OMA1: variants seen among roughly 807,000 people sequenced by gnomAD.
OMA1 encodes the protein metalloendopeptidase OMA1, mitochondrial.
A neutral mutation model predicts 30.9 loss-of-function variants in OMA1; 38 were observed. The ratio of observed to expected loss-of-function variants is 1.23; its 90% CI spans 0.95 to 1.61. The LOEUF is 1.61. Ranked by LOEUF, OMA1 falls within the 40% of genes most tolerant of loss-of-function variation. The pLI, the probability that OMA1 is intolerant of heterozygous loss-of-function variation, is 0.00. For synonymous variants in OMA1, 173 were observed against 121.9 expected (o/e 1.42, Z -2.76); for missense variants, 461 against 349.2 (o/e 1.32, Z -2.55).
intron 7 of OMA1, among the ~76,000 whole-genome samples, chr1:58,524,189 A>G (rs4912343): frequency 0.12 from 17,706 of 152,186 alleles, 1,229 homozygotes; most frequent in African/African-American, 0.18. Context: ...AATGTCCTTT[A>G]TGGCATTATC....
chr1:58,545,600 A>G (rs924683521), intron 1 of OMA1, among the ~76,000 whole-genome samples: 1 of 152,188 alleles, frequency 6.6e-6, no homozygotes, highest in East Asian at 1.9e-4. Flanking sequence ...AACAAAATTA[A>G]TGATGTGAGA....
chr1:58,536,859 C>T (rs778954163), intron 2 of OMA1, 118 bp from the exon 3 acceptor site: 21 of 641,206 alleles, frequency 3.3e-5, no homozygotes, highest in Non-Finnish European at 5.6e-5. Flanking sequence ...TGATGTATTT[C>T]GCTGAATACA....
chr1:58,501,388 T>A (rs943722526), intron 8 of OMA1, among the ~76,000 whole-genome samples: 1 of 152,178 alleles, frequency 6.6e-6, no homozygotes, highest in Non-Finnish European at 1.5e-5. Context: ...GTAGATCACA[T>A]CATTTTCAAA....
At chr1:58,534,433 T>C in intron 3 of OMA1, 102 bp from the exon 4 acceptor site, 2 of 591,968 alleles carry the variant, frequency 3.4e-6, no homozygotes, top group Non-Finnish European at 5.8e-6. Context: ...ACATTTTAAG[T>C]TTTAATTATA....
intron 2 of OMA1, among the ~76,000 whole-genome samples, chr1:58,537,429 T>C (rs114348485): frequency 1.4e-3 from 217 of 152,268 alleles, no homozygotes; most frequent in African/African-American, 5.0e-3. Context: ...AACTCCACTA[T>C]CCTCTTTACA....
At chr1:58,542,165 CCCTT>C (rs1204978089) in intron 1 of OMA1, among the ~76,000 whole-genome samples, 1 of 152,136 alleles carries the variant, frequency 6.6e-6, no homozygotes, top group Non-Finnish European at 1.5e-5. Flanking sequence ...TTTGAGTTAA[CCCTT>C]TTTGAAATAC....
rs1645471621 is a variant in OMA1 at position 58,480,995 on chromosome 1, T to C, written c.1545A>G (p.Thr515=). 5.7e-6 allele frequency: 5 copies of C among 870,978 alleles called. No homozygotes were observed. The highest frequency in any genetic ancestry group is 1.0e-5 in the Non-Finnish European group (5 of 500,912). The allele number at this position is 870,978 out of a possible 1,614,324, so 54.0% of individuals were successfully genotyped here. A position where few individuals can be genotyped will look rare whatever the true frequency, so the allele number is the denominator to read the frequency against. The change falls in exon 9 of 9, where the codon ACA becomes ACG. Residue 515 remains threonine, a synonymous_variant. Transcript: ENST00000371226. The part of the protein sequence containing the change: ...PIQKQEQIPL[T]YIVEKRTGS The stretch of plus-strand genomic sequence containing the variant: ...TGCCCGTTCTTTTCTCAACTATGTA[T>C]GTTAATGGTATTTGCTCCTGTTTTT...
In OMA1 at chr1:58,506,067, A is replaced by G. The variant is rs762956357; in HGVS notation, c.1358T>C (p.Ile453Thr). 3 of 870,484 alleles carry G rather than the reference A, an allele frequency of 3.4e-6. No individual in the cohort carries two copies. Among genetic ancestry groups the G allele is most frequent in the South Asian group, 2.6e-5 (2 of 76,278 alleles). 53.9% of individuals were successfully genotyped at this position (870,484 alleles called of 1,614,324 possible). Reference sequence around the variant, plus strand: ...TCTACGGTGTCAGCTCACCTGAGGTATAAGTCTATCCAAGTACTCAACTCG... The same window carrying G: ...TCTACGGTGTCAGCTCACCTGAGGTGTAAGTCTATCCAAGTACTCAACTCG... ...GNRVEYLDRLIPQALKIREMC... is the reference protein window; with the variant it reads ...GNRVEYLDRLTPQALKIREMC... Residue 453 changes from isoleucine to threonine, a missense_variant, in exon 8 of 9, where the codon ATA (isoleucine) becomes ACA (threonine). Ile to Thr is a moderately conservative substitution (Grantham distance 89). Transcript: ENST00000371226.
chr1:58,534,598 C>T (rs752307788), intron 3 of OMA1, among the ~76,000 whole-genome samples: 1 of 152,218 alleles, frequency 6.6e-6, no homozygotes. Context: ...AAACTACAAA[C>T]GAATACTTAA....
intron 8 of OMA1, among the ~76,000 whole-genome samples, chr1:58,487,619 T>C (rs1250917965): frequency 2.6e-5 from 4 of 152,216 alleles, no homozygotes; most frequent in Non-Finnish European, 4.4e-5. Flanking sequence ...TCTTTGCTAA[T>C]TTATTATGAC....
At chr1:58,512,779 A>C (rs1646100538) in intron 7 of OMA1, among the ~76,000 whole-genome samples, 1 of 152,156 alleles carries the variant, frequency 6.6e-6, no homozygotes, top group Non-Finnish European at 1.5e-5. Context: ...TATTCAATGG[A>C]TATAAAGTCT....
chr1:58,543,135 T>C (rs1381691881), intron 1 of OMA1, among the ~76,000 whole-genome samples: 2 of 152,192 alleles, frequency 1.3e-5, no homozygotes, highest in Non-Finnish European at 2.9e-5. Flanking sequence ...CTACACTTAA[T>C]TGAGCTTCAT....
chr1:58,537,730 T>C (rs1356216434), intron 2 of OMA1, among the ~76,000 whole-genome samples: 1 of 152,228 alleles, frequency 6.6e-6, no homozygotes, highest in African/African-American at 2.4e-5. Flanking sequence ...CACACCCCAA[T>C]GCCTTTACAC....
intron 8 of OMA1, among the ~76,000 whole-genome samples, chr1:58,489,943 C>T (rs1340750086): frequency 2.6e-5 from 4 of 152,162 alleles, no homozygotes; most frequent in Admixed American, 6.5e-5. Flanking sequence ...CCCATCTGTA[C>T]GTCACCATCA....
chr1:58,502,370 T>G (rs1645920617), intron 8 of OMA1, among the ~76,000 whole-genome samples: 1 of 152,192 alleles, frequency 6.6e-6, no homozygotes, highest in Non-Finnish European at 1.5e-5. Flanking sequence ...ACTTTGATCT[T>G]TTTCTCTAAT....
chr1:58,499,477 T>TATAGATAG (rs60917151), intron 8 of OMA1, among the ~76,000 whole-genome samples: 4,411 of 143,698 alleles, frequency 0.031, 73 homozygotes, highest in Middle Eastern at 0.045. Context: ...AAAGCCAGAC[T>TATAGATAG]ATAGATAGAT....
intron 8 of OMA1, among the ~76,000 whole-genome samples, chr1:58,481,937 C>T (rs1362646269): frequency 6.6e-6 from 1 of 152,170 alleles, no homozygotes. Flanking sequence ...TCATAAATTA[C>T]CTAGTCTCAG....
intron 1 of OMA1, among the ~76,000 whole-genome samples, chr1:58,545,879 G>A (rs1247092051): frequency 1.3e-5 from 2 of 152,132 alleles, no homozygotes; most frequent in Non-Finnish European, 2.9e-5. Context: ...AGAATTGGAC[G>A]GCAGCAGACT....
At chr1:58,490,825 TG>T (rs1645671443) in intron 8 of OMA1, among the ~76,000 whole-genome samples, 2 of 118,906 alleles carry the variant, frequency 1.7e-5, no homozygotes, top group African/African-American at 7.3e-5. Flanking sequence ...TTTTTTTTTT[TG>T]AGACGGACTC....
Sources: allele counts gnomAD v4.1 joint callset (sites outside exome capture counted in the v4.1 genomes callset), GRCh38; gene constraint gnomAD v4.1.1; transcripts MANE v1.5; gene names NCBI Gene and HGNC (gene_info 2026-07-23, HGNC 2026-07-21).